The following CSMD1 variants were observed in gnomAD, a reference collection of about 807,000 sequenced individuals.
The protein encoded by CSMD1 is CUB and sushi domain-containing protein 1.
In CSMD1, 213 loss-of-function variants were observed where a neutral mutation model predicts 417.5. That is an observed-to-expected ratio of 0.51 (90% CI 0.46 to 0.57). The LOEUF (loss-of-function observed/expected upper bound fraction) is 0.57, where lower values mean the gene tolerates loss of function less well. Ranked by LOEUF, CSMD1 falls within the 20% of genes least tolerant of loss-of-function variation. The pLI is 0.00. For synonymous variants in CSMD1, 2,862 were observed against 1,736.8 expected, an observed-to-expected ratio of 1.65 and a Z score of -16.11; for missense variants, 6,923 against 4,529.7, an observed-to-expected ratio of 1.53 and a Z score of -15.17.
intron 1 of CSMD1, among the ~76,000 whole-genome samples, chr8:4,988,749 G>T (rs1347476033): frequency 1.3e-5 from 2 of 152,154 alleles, no homozygotes; most frequent in African/African-American, 4.8e-5. Context: ...TGATACAAAT[G>T]GTTTAAAGAA....
intron 10 of CSMD1, among the ~76,000 whole-genome samples, chr8:3,537,385 A>T (rs542894776): frequency 1.3e-5 from 2 of 152,208 alleles, no homozygotes; most frequent in Admixed American, 1.3e-4. Context: ...TTTATACATC[A>T]TAAGTTATCA....
At chr8:4,961,778 G>A (rs1269785660) in intron 1 of CSMD1, among the ~76,000 whole-genome samples, 1 of 151,914 alleles carries the variant, frequency 6.6e-6, no homozygotes, top group African/African-American at 2.4e-5. Flanking sequence ...GTCCATTTCT[G>A]AGACTCTTTT....
At chr8:4,016,548 G>A (rs1452141230) in intron 4 of CSMD1, among the ~76,000 whole-genome samples, 1 of 152,120 alleles carries the variant, frequency 6.6e-6, no homozygotes, top group Non-Finnish European at 1.5e-5. Context: ...AAGGAAAGAG[G>A]AGAAAAGATG....
intron 1 of CSMD1, among the ~76,000 whole-genome samples, chr8:4,885,024 C>A (rs780256526): frequency 6.6e-5 from 10 of 151,968 alleles, no homozygotes; most frequent in Non-Finnish European, 1.2e-4. Flanking sequence ...TTCTTTTAAA[C>A]AATATTTTGT....
intron 5 of CSMD1, among the ~76,000 whole-genome samples, chr8:3,947,288 G>A (rs1291455938): frequency 1.3e-5 from 2 of 152,060 alleles, no homozygotes; most frequent in East Asian, 1.9e-4. Context: ...ACGTGATTAT[G>A]TATGCAGCTT....
chr8:3,515,458 G>A (rs1483627223), intron 10 of CSMD1: 1 of 152,046 alleles, frequency 6.6e-6, no homozygotes, highest in Non-Finnish European at 1.5e-5. Flanking sequence ...TGCAAGAGAG[G>A]AATACACACA....
At chr8:3,771,002 C>T (rs958227245) in intron 5 of CSMD1, among the ~76,000 whole-genome samples, 2 of 137,818 alleles carry the variant, frequency 1.5e-5, no homozygotes, top group East Asian at 4.4e-4. Flanking sequence ...CTCTCTCTCT[C>T]TCTCTGTCAG....
At chr8:3,889,452 CATATATATATATAT>C (rs1171842639) in intron 5 of CSMD1, among the ~76,000 whole-genome samples, 11 of 45,376 alleles carry the variant, frequency 2.4e-4, no homozygotes, top group African/African-American at 2.6e-4. Flanking sequence ...CTGATCTTTC[CATATATATATATAT>C]ATATATATAT....
intron 26 of CSMD1, among the ~76,000 whole-genome samples, chr8:3,232,987 A>G (rs1180898241): frequency 6.6e-6 from 1 of 151,974 alleles, no homozygotes; most frequent in African/African-American, 2.4e-5. Flanking sequence ...ATTTGTTTTT[A>G]TAAACCTCAT....
chr8:4,132,049 A>C (rs1440454669), intron 3 of CSMD1, among the ~76,000 whole-genome samples: 1 of 152,102 alleles, frequency 6.6e-6, no homozygotes, highest in Non-Finnish European at 1.5e-5. Context: ...TGGCATAACA[A>C]AGGTAAAAGC....
intron 3 of CSMD1, among the ~76,000 whole-genome samples, chr8:4,264,063 C>G (rs1422772823): frequency 6.6e-5 from 10 of 152,072 alleles, no homozygotes; most frequent in Non-Finnish European, 1.3e-4. Context: ...CTACCTGAGC[C>G]TCATCTATAA....
rs187791177 is a variant in CSMD1, at chr8:4,732,652, C to G, written c.86-95094G>C. Among the ~76,000 whole-genome samples, 307 of 152,280 alleles carry G rather than the reference C, an allele frequency of 2.0e-3. 3 individuals are homozygous for G. The highest frequency in any genetic ancestry group is 0.017 in the Admixed American group (257 of 15,294). The stretch of plus-strand genomic sequence containing the variant: ...AGGCCCCTGGGAATCGTGAGCTCAT[C>G]TGGGCAGCCACACATCTGCCCCAGC... On this transcript the variant is annotated intron_variant, in intron 1 of 69. Coordinates refer to ENST00000635120, the MANE Select transcript of CSMD1 (RefSeq NM_033225.6).
At chr8:3,335,701 G>T (rs923820488) in intron 23 of CSMD1, among the ~76,000 whole-genome samples, 1 of 152,062 alleles carries the variant, frequency 6.6e-6, no homozygotes. Flanking sequence ...ATAAATAAAG[G>T]TTAATGGTAA....
intron 2 of CSMD1, among the ~76,000 whole-genome samples, chr8:4,529,482 T>C (rs1216688664): frequency 6.6e-6 from 1 of 152,184 alleles, no homozygotes; most frequent in Non-Finnish European, 1.5e-5. Context: ...AATTTAATGA[T>C]TTATAACTAT....
At chr8:3,442,363 C>G (rs1193496911) in intron 12 of CSMD1, among the ~76,000 whole-genome samples, 2 of 152,186 alleles carry the variant, frequency 1.3e-5, no homozygotes, top group Non-Finnish European at 2.9e-5. Flanking sequence ...CCATCACTCA[C>G]TCACTGACTC....
intron 12 of CSMD1, among the ~76,000 whole-genome samples, chr8:3,418,393 T>G (rs1378957492): frequency 6.6e-6 from 1 of 152,140 alleles, no homozygotes; most frequent in Non-Finnish European, 1.5e-5. Flanking sequence ...ATTCAGAACT[T>G]TGTTGGTGAT....
At chr8:4,035,560 G>A (rs113193335) in intron 3 of CSMD1, among the ~76,000 whole-genome samples, 5 of 152,246 alleles carry the variant, frequency 3.3e-5, no homozygotes, top group Non-Finnish European at 4.4e-5. Context: ...CCCCGTGCAG[G>A]CCTAGGCTAG....
intron 3 of CSMD1, among the ~76,000 whole-genome samples, chr8:4,398,516 C>T (rs571892517): frequency 6.6e-6 from 1 of 151,342 alleles, no homozygotes; most frequent in Non-Finnish European, 1.5e-5. Flanking sequence ...GCCTCAGCCT[C>T]CCGAGTAGGT....
At chr8:4,332,398 G>A (rs1799915925) in intron 3 of CSMD1, among the ~76,000 whole-genome samples, 1 of 152,088 alleles carries the variant, frequency 6.6e-6, no homozygotes, top group Non-Finnish European at 1.5e-5. Flanking sequence ...GCGGCAGGAG[G>A]ATAGTATAAA....
Sources: gnomAD v4.1 joint callset for allele counts (sites outside exome capture counted in the v4.1 genomes callset) on GRCh38, gnomAD v4.1.1 for gene constraint, MANE v1.5 for transcripts, NCBI Gene and HGNC (gene_info 2026-07-23, HGNC 2026-07-21) for gene names.